The following SPATA13 variants were observed in gnomAD, a reference collection of about 807,000 sequenced individuals.
SPATA13 encodes the protein spermatogenesis-associated protein 13.
SPATA13 carries 50 observed loss-of-function variants against 104.0 expected under a neutral mutation model. The observed-to-expected ratio is 0.48, with a 90% CI of 0.38 to 0.61. The LOEUF is 0.61. Ranked by LOEUF, SPATA13 falls within the 20% of genes least tolerant of loss-of-function variation. The probability of loss-of-function intolerance (pLI) is 0.00; values close to 1 mark genes in which losing one functional copy is unlikely to be tolerated. For missense variants in SPATA13, 1,524 were observed against 1,690.6 expected (o/e 0.90, Z 1.73); for synonymous variants, 606 against 667.5 (o/e 0.91, Z 1.42).
chr13:24,182,049 G>A (rs978960628), intron 1 of SPATA13, among the ~76,000 whole-genome samples: 45 of 152,208 alleles, frequency 3.0e-4, no homozygotes, highest in Non-Finnish European at 6.2e-4. Context: ...ATAAAAAGTT[G>A]TGTTGGAATT....
intron 1 of SPATA13, among the ~76,000 whole-genome samples, chr13:24,203,314 C>A (rs928968159): frequency 6.6e-6 from 1 of 151,884 alleles, no homozygotes; most frequent in Non-Finnish European, 1.5e-5. Context: ...ATTACCCTGA[C>A]GGTAATTTAG....
chr13:24,208,808 G>C (rs1390437734), intron 1 of SPATA13, among the ~76,000 whole-genome samples: 2 of 152,176 alleles, frequency 1.3e-5, no homozygotes, highest in African/African-American at 4.8e-5. Context: ...AAAAGTTTCA[G>C]CTTCTTCAGA....
At chr13:24,230,462 G>A (rs144531473) in intron 2 of SPATA13, among the ~76,000 whole-genome samples, 87 of 152,268 alleles carry the variant, frequency 5.7e-4, no homozygotes, top group African/African-American at 1.8e-3. Flanking sequence ...TTAGTGCCCC[G>A]GGCGGCGGTT....
chr13:24,193,442 G>T (rs565172325), intron 1 of SPATA13, among the ~76,000 whole-genome samples: 11 of 152,346 alleles, frequency 7.2e-5, no homozygotes, highest in Admixed American at 3.3e-4. Flanking sequence ...GGTTGAATCT[G>T]AGTGTGAGGA....
At chr13:23,985,389 G>T (rs180951522) in intron 2 of SPATA13, among the ~76,000 whole-genome samples, 2,689 of 152,332 alleles carry the variant, frequency 0.018, 36 homozygotes, top group Non-Finnish European at 0.027. Flanking sequence ...TGATGTGGGG[G>T]CTCAGTGGCC....
intron 3 of SPATA13, among the ~76,000 whole-genome samples, chr13:24,059,972 G>C (rs1878719287): frequency 6.6e-6 from 1 of 152,122 alleles, no homozygotes; most frequent in Admixed American, 6.5e-5. Context: ...TATTATGTTG[G>C]CTGTGGTTTT....
intron 1 of SPATA13, among the ~76,000 whole-genome samples, chr13:24,200,429 G>A (rs528217944): frequency 5.3e-5 from 8 of 152,138 alleles, no homozygotes; most frequent in Non-Finnish European, 1.2e-4. Flanking sequence ...ACAAAGACAA[G>A]TAAACACCAT....
chr13:24,218,960 AT>A (rs1032902551), intron 1 of SPATA13, among the ~76,000 whole-genome samples: 2 of 119,736 alleles, frequency 1.7e-5, no homozygotes, highest in African/African-American at 6.4e-5. Context: ...TGTTTGTTTC[AT>A]TTTTTTGTTT....
chr13:24,299,044 G>A (rs975493184), intron 11 of SPATA13, among the ~76,000 whole-genome samples: 1 of 152,186 alleles, frequency 6.6e-6, no homozygotes, highest in Non-Finnish European at 1.5e-5. Flanking sequence ...GGGCCCCATT[G>A]GAATAGGGCT....
chr13:24,130,969 G>C (rs530696225), intron 3 of SPATA13, among the ~76,000 whole-genome samples: 12 of 152,164 alleles, frequency 7.9e-5, no homozygotes, highest in Admixed American at 2.6e-4. Context: ...GGTGGAGCGG[G>C]GGACGCTTTC....
chr13:23,980,297 A>G (rs1422570825), intron 1 of SPATA13, among the ~76,000 whole-genome samples: 1 of 152,190 alleles, frequency 6.6e-6, no homozygotes, highest in Admixed American at 6.5e-5. Flanking sequence ...TCGCGTTGCC[A>G]TGGCAGCGGG....
chr13:24,277,090 T>C (rs577879317), intron 4 of SPATA13, among the ~76,000 whole-genome samples: 1 of 152,338 alleles, frequency 6.6e-6, no homozygotes, highest in East Asian at 1.9e-4. Context: ...AGAATTTTGT[T>C]ATGAAGCAAT....
intron 9 of SPATA13, among the ~76,000 whole-genome samples, chr13:24,292,490 G>A (rs12866210): frequency 0.078 from 11,819 of 152,246 alleles, 521 homozygotes; most frequent in Non-Finnish European, 0.1. Flanking sequence ...CTGACACAAA[G>A]TCTTTAACTG....
At position 24,304,749 on chromosome 13, in the gene SPATA13, C is replaced by G. The variant is rs751358908; in HGVS notation, c.*1976C>G. 6.6e-6 allele frequency: 1 copy of G among 152,222 alleles called. No homozygotes were observed. Among genetic ancestry groups the G allele is most frequent in the Non-Finnish European group, 1.5e-5 (1 of 68,068 alleles). 9.4% of individuals were successfully genotyped at this position (152,222 alleles called of 1,614,324 possible). A position where few individuals can be genotyped will look rare whatever the true frequency, so the allele number is the denominator to read the frequency against. On this transcript the variant is annotated 3_prime_UTR_variant, in exon 13 of 13. Coordinates refer to ENST00000382108, the MANE Select transcript of SPATA13 (RefSeq NM_001166271.3). The stretch of plus-strand genomic sequence containing the variant: ...TTCAGGTGCCCCATGGCTGACAGCC[C>G]GAGTTGCTTCTGTGGACCATCATGC...
At chr13:24,102,834 C>T (rs1593330464) in intron 3 of SPATA13, among the ~76,000 whole-genome samples, 1 of 152,080 alleles carries the variant, frequency 6.6e-6, no homozygotes, top group Non-Finnish European at 1.5e-5. Flanking sequence ...CTTTTGTTGC[C>T]GATGGTTTTG....
intron 4 of SPATA13, among the ~76,000 whole-genome samples, chr13:24,261,341 A>G (rs948413232): frequency 2.6e-5 from 4 of 152,164 alleles, no homozygotes; most frequent in Admixed American, 2.0e-4. Flanking sequence ...ATGTTGGTCA[A>G]TTGGGGAGCT....
chr13:24,047,557 C>G (rs1878194591), intron 3 of SPATA13, among the ~76,000 whole-genome samples: 1 of 152,238 alleles, frequency 6.6e-6, no homozygotes, highest in African/African-American at 2.4e-5. Context: ...TTAAATTTCT[C>G]TTACTGTTAC....
At chr13:24,288,926 C>A in intron 7 of SPATA13, 73 bp from the exon 8 acceptor site, 1 of 1,314,316 alleles carries the variant, frequency 7.6e-7, no homozygotes, top group Non-Finnish European at 1.0e-6. Context: ...TGGCTTTAGG[C>A]CTACAAAAGC....
intron 4 of SPATA13, chr13:24,278,869 TTTCTTTCCTTCCTTCCTTCC>T: frequency 2.8e-6 from 4 of 1,418,180 alleles, no homozygotes; most frequent in Non-Finnish European, 3.7e-6. Flanking sequence ...ACATGCTGTT[TTTCTTTCCTTCCTTCCTTCC>T]TTCCTTCCTT....
Sources: allele counts gnomAD v4.1 joint callset (sites outside exome capture counted in the v4.1 genomes callset), GRCh38; gene constraint gnomAD v4.1.1; transcripts MANE v1.5; gene names NCBI Gene and HGNC (gene_info 2026-07-23, HGNC 2026-07-21).